The following WDR17 variants were observed in gnomAD, a reference collection of about 807,000 sequenced individuals.
WDR17 encodes the protein WD repeat domain 17.
In WDR17, 143 loss-of-function variants were observed where a neutral mutation model predicts 161.7. The observed-to-expected ratio is 0.88, with a 90% CI of 0.77 to 1.02. The LOEUF is 1.02. Among genes scored for constraint, WDR17 ranks in the 50% least tolerant of loss-of-function variants. The probability of loss-of-function intolerance (pLI) is 0.00; values close to 1 mark genes in which losing one functional copy is unlikely to be tolerated. For missense variants in WDR17, 1,469 were observed against 1,520.9 expected (o/e 0.97, Z 0.57); for synonymous variants, 517 against 515.6 (o/e 1.00, Z -0.04).
At chr4:176,131,774 G>T (rs7699831) in intron 7 of WDR17, 36 bp downstream of exon 7, 2 of 1,444,960 alleles carry the variant, frequency 1.4e-6, no homozygotes, top group East Asian at 2.5e-5. Context: ...ATACATAATA[G>T]TTTTTTGTGT....
At chr4:176,133,436 T>C (rs1289373139) in intron 7 of WDR17, among the ~76,000 whole-genome samples, 1 of 145,020 alleles carries the variant, frequency 6.9e-6, no homozygotes, top group Non-Finnish European at 1.5e-5. Context: ...TCATGCAATC[T>C]AAATTCAATA....
intron 1 of WDR17, among the ~76,000 whole-genome samples, chr4:176,109,989 G>C (rs1348746488): frequency 6.6e-6 from 1 of 152,084 alleles, no homozygotes; most frequent in African/African-American, 2.4e-5. Context: ...AAATATTTAA[G>C]ATTATAATCA....
chr4:176,108,364 G>A (rs532467088), intron 1 of WDR17, among the ~76,000 whole-genome samples: 7 of 152,234 alleles, frequency 4.6e-5, no homozygotes, highest in Non-Finnish European at 1.0e-4. Context: ...AGACATTGTG[G>A]GAAGGCAAAA....
intron 1 of WDR17, chr4:176,096,412 G>A: frequency 1.3e-6 from 1 of 776,386 alleles, no homozygotes; most frequent in Non-Finnish European, 2.1e-6. Flanking sequence ...CATTTCACAA[G>A]GGAGATTTTG....
chr4:176,152,322 C>T (rs943158310), intron 17 of WDR17, among the ~76,000 whole-genome samples: 1 of 105,072 alleles, frequency 9.5e-6, no homozygotes, highest in Admixed American at 9.6e-5. Context: ...AAAGCCTGAG[C>T]GTGGTGGCTC....
rs143880173 is a variant in WDR17 at position 176,114,062 on chromosome 4, T to C, written c.124-1734T>C. ...ATGGTAATGTCAGTGGTCACTGATA[T>C]GCAGCATAGCTTCTTCACACATTTA... is the stretch of plus-strand genomic sequence containing the variant. On this transcript the variant is annotated intron_variant, in intron 2 of 28. Coordinates refer to ENST00000508596, the MANE Select transcript of WDR17 (RefSeq NM_181265.4). Among the ~76,000 whole-genome samples, 22 of 152,190 alleles carry C rather than the reference T, an allele frequency of 1.4e-4. No individual in the cohort carries two copies. The East Asian group carries it at 4.2e-3, about 29-fold the overall frequency.
At chr4:176,161,728 A>C (rs1223972541) in intron 20 of WDR17, among the ~76,000 whole-genome samples, 1 of 152,180 alleles carries the variant, frequency 6.6e-6, no homozygotes, top group Non-Finnish European at 1.5e-5. Flanking sequence ...TGCTAGCTGT[A>C]TTTTGGATAC....
At chr4:176,162,728 G>A (rs545955191) in intron 21 of WDR17, among the ~76,000 whole-genome samples, 2 of 152,176 alleles carry the variant, frequency 1.3e-5, no homozygotes, top group South Asian at 4.2e-4. Flanking sequence ...TAAGGAAAAT[G>A]TTAATTAAAG....
chr4:176,123,636 G>A (rs1579111297), intron 4 of WDR17, among the ~76,000 whole-genome samples: 1 of 152,282 alleles, frequency 6.6e-6, no homozygotes, highest in South Asian at 2.1e-4. Context: ...AAAGGGCAAG[G>A]CATATGGGAA....
At chr4:176,092,527 C>G (rs745959574) in intron 1 of WDR17, among the ~76,000 whole-genome samples, 5 of 151,990 alleles carry the variant, frequency 3.3e-5, no homozygotes, top group Non-Finnish European at 7.4e-5. Flanking sequence ...TTTGGAAATC[C>G]TAGCTAGAGC....
intron 2 of WDR17, among the ~76,000 whole-genome samples, chr4:176,113,850 G>A (rs565455352): frequency 6.6e-6 from 1 of 152,018 alleles, no homozygotes; most frequent in South Asian, 2.1e-4. Context: ...TTCTTTAACT[G>A]TTGTTTTGTA....
intron 3 of WDR17, among the ~76,000 whole-genome samples, chr4:176,118,971 A>T (rs1435782862): frequency 1.3e-5 from 2 of 151,838 alleles, no homozygotes; most frequent in African/African-American, 4.8e-5. Flanking sequence ...AAAAAATAAT[A>T]ATTATTATAA....
At chr4:176,078,679 T>C (rs946845278) in intron 1 of WDR17, among the ~76,000 whole-genome samples, 2 of 152,140 alleles carry the variant, frequency 1.3e-5, no homozygotes, top group African/African-American at 4.8e-5. Context: ...AATTATATTT[T>C]GCTGCTTATC....
At chr4:176,080,472 C>T (rs867794368) in intron 1 of WDR17, among the ~76,000 whole-genome samples, 16 of 151,858 alleles carry the variant, frequency 1.1e-4, no homozygotes, top group African/African-American at 3.6e-4. Flanking sequence ...GGAGAAGGCA[C>T]TGAAGTAGTA....
chr4:176,172,610 C>A, intron 24 of WDR17, 94 bp downstream of exon 24: 1 of 1,152,320 alleles, frequency 8.7e-7, no homozygotes, highest in Non-Finnish European at 1.2e-6. Flanking sequence ...TTTTGCATTG[C>A]TATAAAGAAA....
Position 176,115,795 on chromosome 4 carries a change from G to A in WDR17, c.124-1G>A, listed in dbSNP as rs1407598207. On this transcript the variant is annotated splice_acceptor_variant, in intron 2 of 28. Coordinates refer to ENST00000508596, the MANE Select transcript of WDR17 (RefSeq NM_181265.4). LOFTEE classifies it high-confidence loss of function. ...TATTTTATTTATATATTTTGTTTTA[G>A]TTGGATCACCGTTATAATGAATTCA... 1 of 1,586,018 alleles carries A rather than the reference G, an allele frequency of 6.3e-7. No homozygotes were observed. The highest frequency in any genetic ancestry group is 1.8e-5 in the Admixed American group (1 of 56,604).
At chr4:176,160,384 C>T (rs1748851011) in intron 19 of WDR17, among the ~76,000 whole-genome samples, 2 of 152,098 alleles carry the variant, frequency 1.3e-5, no homozygotes, top group Non-Finnish European at 2.9e-5. Context: ...TGCAATGGCA[C>T]GATCTCAGCT....
At chr4:176,107,360 G>A (rs1738912781) in intron 1 of WDR17, among the ~76,000 whole-genome samples, 1 of 150,170 alleles carries the variant, frequency 6.7e-6, no homozygotes, top group African/African-American at 2.5e-5. Context: ...TGCTGCTGTG[G>A]AAAACAGTAT....
At chr4:176,108,576 G>A (rs1739189363) in intron 1 of WDR17, among the ~76,000 whole-genome samples, 1 of 152,008 alleles carries the variant, frequency 6.6e-6, no homozygotes, top group African/African-American at 2.4e-5. Context: ...TGGACTTTGA[G>A]TGATAATGAT....
Sources: allele counts gnomAD v4.1 joint callset (sites outside exome capture counted in the v4.1 genomes callset), GRCh38; gene constraint gnomAD v4.1.1; transcripts MANE v1.5; gene names NCBI Gene and HGNC (gene_info 2026-07-23, HGNC 2026-07-21).